The following SPTBN1 variants were observed in gnomAD, a reference collection of about 807,000 sequenced individuals.
SPTBN1 encodes spectrin beta chain, non-erythrocytic 1.
In SPTBN1, 32 loss-of-function variants were observed where a neutral mutation model predicts 266.4. That is an observed-to-expected ratio of 0.12 (90% CI 0.09 to 0.16). The LOEUF is 0.16. Among genes scored for constraint, SPTBN1 ranks in the 10% least tolerant of loss-of-function variants. The pLI is 1.00. For synonymous variants in SPTBN1, 1,336 were observed against 1,162.2 expected (o/e 1.15, Z -3.04); for missense variants, 2,296 against 3,067.1 (o/e 0.75, Z 5.94).
At chr2:54,623,399 G>A (rs1422418880) in intron 9 of SPTBN1, 80 bp from the exon 10 acceptor site, 60 of 1,250,718 alleles carry the variant, frequency 4.8e-5, no homozygotes, top group Non-Finnish European at 6.9e-5. Context: ...TCAGACCAGA[G>A]TTAAATGGTT....
At chr2:54,487,745 C>CA (rs1668475556) in intron 1 of SPTBN1, among the ~76,000 whole-genome samples, 1 of 150,756 alleles carries the variant, frequency 6.6e-6, no homozygotes, top group South Asian at 2.1e-4. Flanking sequence ...ATGAAATACT[C>CA]AAAGTCAAAA....
chr2:54,598,652 G>A (rs750673544), intron 2 of SPTBN1, among the ~76,000 whole-genome samples: 45 of 152,174 alleles, frequency 3.0e-4, no homozygotes, highest in Non-Finnish European at 1.2e-4. Context: ...AATAATAGCT[G>A]TAACATGTAT....
intron 2 of SPTBN1, among the ~76,000 whole-genome samples, chr2:54,564,370 C>G (rs891813120): frequency 1.3e-5 from 2 of 152,186 alleles, no homozygotes; most frequent in African/African-American, 4.8e-5. Flanking sequence ...CTCCTCACTC[C>G]TCATTCTTGG....
At chr2:54,470,535 T>C (rs1454857194) in intron 1 of SPTBN1, among the ~76,000 whole-genome samples, 2 of 152,198 alleles carry the variant, frequency 1.3e-5, no homozygotes, top group South Asian at 2.1e-4. Flanking sequence ...ATTAAATATG[T>C]TTTTTAGCAA....
chr2:54,659,355 G>C (rs1680885884), intron 31 of SPTBN1, 89 bp downstream of exon 31: 1 of 1,275,408 alleles, frequency 7.8e-7, no homozygotes, highest in East Asian at 2.3e-5. Flanking sequence ...TGCATTGCTA[G>C]GCCTAACCAC....
At chr2:54,513,818 A>T (rs1298827761) in intron 1 of SPTBN1, among the ~76,000 whole-genome samples, 1 of 152,226 alleles carries the variant, frequency 6.6e-6, no homozygotes, top group Admixed American at 6.5e-5. Flanking sequence ...ATAGCTGTGT[A>T]TTTATTTGGT....
intron 1 of SPTBN1, among the ~76,000 whole-genome samples, chr2:54,470,797 G>C (rs1693879294): frequency 6.6e-6 from 1 of 152,146 alleles, no homozygotes; most frequent in South Asian, 2.1e-4. Context: ...AGAGTAGAAA[G>C]AACCTGTCTC....
intron 2 of SPTBN1, among the ~76,000 whole-genome samples, chr2:54,535,514 TCTAA>T (rs2104374852): frequency 6.6e-6 from 1 of 152,318 alleles, no homozygotes; most frequent in African/African-American, 2.4e-5. Flanking sequence ...CCTTTTTGTG[TCTAA>T]CTTCTTTCAC....
chr2:54,597,836 G>T (rs1326285487), intron 2 of SPTBN1, among the ~76,000 whole-genome samples: 1 of 142,032 alleles, frequency 7.0e-6, no homozygotes, highest in Non-Finnish European at 1.5e-5. Flanking sequence ...CAGTGGTTTT[G>T]AAATACATGC....
At chr2:54,500,126 A>G (rs1399580649) in intron 1 of SPTBN1, among the ~76,000 whole-genome samples, 1 of 152,212 alleles carries the variant, frequency 6.6e-6, no homozygotes, top group East Asian at 1.9e-4. Context: ...GCGGTTTTTC[A>G]TTCTTTGAAA....
rs70944181 is a variant in SPTBN1, at chr2:54,581,577, CTTTTTTTT to C, written c.149-17499_149-17492del. 1.6e-3 allele frequency among the ~76,000 whole-genome samples: 166 copies of C among 102,660 alleles called. 1 individual carries two copies. Among genetic ancestry groups the C allele is most frequent in the Middle Eastern group, 9.6e-3 (2 of 208 alleles). The allele number at this position is 102,660 out of a possible 152,430, so 67.3% of individuals were successfully genotyped here. The stretch of plus-strand genomic sequence containing the variant: ...GCCTTCATGCTTTGGTTTCTTTGCC[CTTTTTTTT>C]TTTTTTTTTTTTTTTGAAACTTTTA... On this transcript the variant is annotated intron_variant, in intron 2 of 35. Transcript: ENST00000356805.
chr2:54,659,828 G>C lies in SPTBN1; in HGVS notation c.6357-108G>C, dbSNP rs1348054180. 2.0e-6 allele frequency: 3 copies of C among 1,473,636 alleles called. No homozygotes were observed. The African/African-American group carries it at 4.3e-5, about 21-fold the overall frequency. 91.3% of individuals were successfully genotyped at this position (1,473,636 alleles called of 1,614,324 possible). A position where few individuals can be genotyped will look rare whatever the true frequency, so the allele number is the denominator to read the frequency against. On this transcript the variant is annotated intron_variant, in intron 31 of 35. Coordinates refer to ENST00000356805, the MANE Select transcript of SPTBN1 (RefSeq NM_003128.3). ...TAAAAAGAATTAAATTATGTGAAAA[G>C]GTTGCACGTAATAAAATTGAGTGAT... is the stretch of plus-strand genomic sequence containing the variant.
chr2:54,647,280 G>C lies in SPTBN1; in HGVS notation c.4997+19G>C. On this transcript the variant is annotated intron_variant, in intron 24 of 35. Coordinates refer to ENST00000356805, the MANE Select transcript of SPTBN1 (RefSeq NM_003128.3). ...CTGAAAGGTGAGCGCTGCTTCATGA[G>C]TGTGAGACCCGGCTCTCGATTCCTC... The C allele has an allele frequency of 1.9e-6, 3 of 1,612,540 alleles. No individual in the cohort carries two copies. Among genetic ancestry groups the C allele is most frequent in the South Asian group, 1.1e-5 (1 of 91,058 alleles).
chr2:54,537,260 C>G lies in SPTBN1; in HGVS notation c.148+10694C>G, dbSNP rs553298917. ...ATTCCAACCCCAGCTCTTGCCTATCCTTTGCCTTTTGTCCTCATTGCTAAA... is the reference window on the plus strand; with the variant it reads ...ATTCCAACCCCAGCTCTTGCCTATCGTTTGCCTTTTGTCCTCATTGCTAAA... On this transcript the variant is annotated intron_variant, in intron 2 of 35. Transcript: ENST00000356805. 8.7e-4 allele frequency among the ~76,000 whole-genome samples: 132 copies of G among 152,288 alleles called. 1 individual carries two copies. The highest frequency in any genetic ancestry group is 6.9e-4 in the Non-Finnish European group (47 of 68,034).
In SPTBN1 at chr2:54,645,118, C is replaced by A. The variant is rs765940249; in HGVS notation, c.4270-111C>A. On this transcript the variant is annotated intron_variant, in intron 20 of 35. Coordinates refer to ENST00000356805, the MANE Select transcript of SPTBN1 (RefSeq NM_003128.3). The surrounding 1 kb of genome is among the most constrained non-coding windows in gnomAD (Gnocchi z 4.3). ...AGTGGCAAAATGTTTGAGTGGCTCC[C>A]ATGGCTGGCTTTGCGGTGTGGCCAA... 1.9e-6 allele frequency: 2 copies of A among 1,078,684 alleles called. No individual in the cohort carries two copies. Among genetic ancestry groups the A allele is most frequent in the Non-Finnish European group, 2.7e-6 (2 of 735,576 alleles). 66.8% of individuals were successfully genotyped at this position (1,078,684 alleles called of 1,614,324 possible). A position where few individuals can be genotyped will look rare whatever the true frequency, so the allele number is the denominator to read the frequency against.
rs1004973813 is a variant in SPTBN1 at position 54,558,637 on chromosome 2, C to A, written c.148+32071C>A. 8.1e-6 allele frequency: 12 copies of A among 1,474,624 alleles called. No homozygotes were observed. The highest frequency in any genetic ancestry group is 2.5e-5 in the Admixed American group (1 of 39,918). 91.3% of individuals were successfully genotyped at this position (1,474,624 alleles called of 1,614,324 possible). A position where few individuals can be genotyped will look rare whatever the true frequency, so the allele number is the denominator to read the frequency against. On this transcript the variant is annotated intron_variant, in intron 2 of 35. Coordinates refer to ENST00000356805, the MANE Select transcript of SPTBN1 (RefSeq NM_003128.3). The surrounding 1 kb of genome is among the most constrained non-coding windows in gnomAD (Gnocchi z 4.6). Reference sequence around the variant, plus strand: ...TCTTGCAGCCAACTTCCCATCAGATCACCCTGCTGGACTTGCAGACCGGAA... The same window carrying A: ...TCTTGCAGCCAACTTCCCATCAGATAACCCTGCTGGACTTGCAGACCGGAA...
chr2:54,629,910 A>C lies in SPTBN1; in HGVS notation c.2688A>C (p.Pro896=). The C allele has an allele frequency of 6.2e-7, 1 of 1,614,100 alleles. No individual in the cohort carries two copies. Among genetic ancestry groups the C allele is most frequent in the Non-Finnish European group, 8.5e-7 (1 of 1,180,036 alleles). Residue 896 remains proline (P), a synonymous_variant, in exon 15 of 36, where the codon CCA becomes CCC. Transcript: ENST00000356805. ...ATTTCAGATTTGAGAGCCTAGAACC[A>C]GAAATGAACAACCAGGCTTCCCGGG... The part of the protein sequence containing the change: ...VIQHRFESLE[P]EMNNQASRVA...
intron 17 of SPTBN1, among the ~76,000 whole-genome samples, 182 bp downstream of exon 17, chr2:54,632,950 T>C (rs1296068929): frequency 6.6e-6 from 1 of 152,174 alleles, no homozygotes; most frequent in East Asian, 1.9e-4. Context: ...TGCCTGAGAA[T>C]GTGGGTCTGG....
At chr2:54,597,172 A>C (rs982533511) in intron 2 of SPTBN1, among the ~76,000 whole-genome samples, 2 of 152,246 alleles carry the variant, frequency 1.3e-5, no homozygotes, top group African/African-American at 4.8e-5. Context: ...AACCCTAAAT[A>C]CATATAAACT....
Sources: allele counts gnomAD v4.1 joint callset (sites outside exome capture counted in the v4.1 genomes callset), GRCh38; gene constraint gnomAD v4.1.1; non-coding constraint Gnocchi (gnomAD v3.1); transcripts MANE v1.5; gene names NCBI Gene and HGNC (gene_info 2026-07-23, HGNC 2026-07-21).